GATA4: variants seen among roughly 807,000 people sequenced by gnomAD.
The protein encoded by GATA4 is transcription factor GATA-4.
In GATA4, 7 loss-of-function variants were observed where a neutral mutation model predicts 37.9. That is an observed-to-expected ratio of 0.18 (90% CI 0.11 to 0.35). The LOEUF (loss-of-function observed/expected upper bound fraction) is 0.35, where lower values mean the gene tolerates loss of function less well. Ranked by LOEUF, GATA4 falls within the 10% of genes least tolerant of loss-of-function variation. GATA4 has a pLI of 1.00. For missense variants in GATA4, 647 were observed against 653.0 expected (o/e 0.99, Z 0.10); for synonymous variants, 372 against 292.6 (o/e 1.27, Z -2.77).
At chr8:11,755,020 C>T (rs1802484201) in intron 4 of GATA4, 26 bp from the exon 5 acceptor site, 1 of 1,581,986 alleles carries the variant, frequency 6.3e-7, no homozygotes, top group Non-Finnish European at 8.7e-7. Flanking sequence ...ATGGAAAACC[C>T]TATATATTTA....
chr8:11,727,301 AAGC>A (rs1325239960), intron 2 of GATA4, among the ~76,000 whole-genome samples: 2 of 152,022 alleles, frequency 1.3e-5, no homozygotes, highest in African/African-American at 4.8e-5. Flanking sequence ...CCCCAGGACA[AAGC>A]AGAGGATGGG....
chr8:11,692,460 A>T (rs745613674), upstream of GATA4: 1 of 931,862 alleles, frequency 1.1e-6, no homozygotes. Context: ...ACCCTAATAG[A>T]ATATTGACCG....
chr8:11,695,331 G>A (rs953795919), intron 1 of GATA4, among the ~76,000 whole-genome samples: 5 of 152,072 alleles, frequency 3.3e-5, no homozygotes, highest in Admixed American at 2.0e-4. Flanking sequence ...GCTTGAACCC[G>A]GGAGGCAGAG....
At chr8:11,681,911 C>CT (rs1280919416) in intron 1 of GATA4, among the ~76,000 whole-genome samples, 1 of 152,190 alleles carries the variant, frequency 6.6e-6, no homozygotes, top group South Asian at 2.1e-4. Context: ...GCCTGGGTCT[C>CT]TTCCCACCTC....
chr8:11,734,765 C>T (rs1374243499), intron 2 of GATA4, among the ~76,000 whole-genome samples: 3 of 152,188 alleles, frequency 2.0e-5, no homozygotes, highest in African/African-American at 4.8e-5. Context: ...GCTGGGATTA[C>T]AAGAGTGAGC....
At chr8:11,732,356 T>C (rs1200838110) in intron 2 of GATA4, among the ~76,000 whole-genome samples, 1 of 152,302 alleles carries the variant, frequency 6.6e-6, no homozygotes, top group Admixed American at 6.5e-5. Context: ...GCAGGTGCTT[T>C]AGATGGGAGG....
At chr8:11,736,123 C>T (rs1459795096) in intron 2 of GATA4, among the ~76,000 whole-genome samples, 1 of 151,954 alleles carries the variant, frequency 6.6e-6, no homozygotes, top group East Asian at 1.9e-4. Flanking sequence ...GTTGCCCAGG[C>T]TGGTATTGAA....
intron 1 of GATA4, among the ~76,000 whole-genome samples, chr8:11,694,071 G>T (rs781222181): frequency 6.6e-6 from 1 of 152,130 alleles, no homozygotes; most frequent in Non-Finnish European, 1.5e-5. Flanking sequence ...AGGTGCCGTG[G>T]GTCCCCCTTC....
At chr8:11,735,213 T>C (rs73205114) in intron 2 of GATA4, among the ~76,000 whole-genome samples, 13,495 of 152,322 alleles carry the variant, frequency 0.089, 713 homozygotes, top group African/African-American at 0.13. Flanking sequence ...TCTCAGTGAC[T>C]GAAATATTTC....
chr8:11,691,481 T>C (rs936383743), upstream of GATA4, among the ~76,000 whole-genome samples: 1 of 152,218 alleles, frequency 6.6e-6, no homozygotes, highest in African/African-American at 2.4e-5. Context: ...TTTCTATTCC[T>C]TATTAAAGAT....
chr8:11,690,476 T>C (rs1376380271), upstream of GATA4, among the ~76,000 whole-genome samples: 1 of 151,958 alleles, frequency 6.6e-6, no homozygotes, highest in Non-Finnish European at 1.5e-5. Context: ...TATAGACAGG[T>C]TAAACTAAAA....
intron 2 of GATA4, among the ~76,000 whole-genome samples, chr8:11,741,620 T>G (rs1229272582): frequency 1.3e-5 from 2 of 152,226 alleles, no homozygotes; most frequent in Admixed American, 1.3e-4. Context: ...AGCCAGCAAC[T>G]GATCCTGCAT....
At chr8:11,733,913 A>G (rs1051343751) in intron 2 of GATA4, among the ~76,000 whole-genome samples, 13 of 152,352 alleles carry the variant, frequency 8.5e-5, no homozygotes, top group African/African-American at 2.2e-4. Context: ...ATTAAGAGCC[A>G]TTACGTGGTT....
At chr8:11,700,808 C>T (rs553150143), upstream of GATA4, 1 of 152,350 alleles carries the variant, frequency 6.6e-6, no homozygotes, top group African/African-American at 2.4e-5. Context: ...TTCTTGTTTT[C>T]CATTATAAGA....
intron 2 of GATA4, among the ~76,000 whole-genome samples, chr8:11,747,804 A>G (rs1209959622): frequency 6.6e-6 from 1 of 152,228 alleles, no homozygotes; most frequent in Non-Finnish European, 1.5e-5. Context: ...ATGATGGAAC[A>G]ATGGTATATG....
intron 1 of GATA4, chr8:11,681,189 C>T (rs1798959590): frequency 9.1e-6 from 9 of 985,420 alleles, no homozygotes; most frequent in Non-Finnish European, 1.1e-5. Context: ...TAGTCACAGG[C>T]CCTGGCCCGC....
intron 2 of GATA4, among the ~76,000 whole-genome samples, chr8:11,737,895 CAT>C (rs1048138654): frequency 1.3e-5 from 2 of 152,072 alleles, no homozygotes; most frequent in Non-Finnish European, 2.9e-5. Context: ...GCAAAATAAT[CAT>C]AGGACAGCTA....
At chr8:11,686,477 G>C (rs1799137988) in intron 1 of GATA4, among the ~76,000 whole-genome samples, 1 of 152,124 alleles carries the variant, frequency 6.6e-6, no homozygotes, top group Non-Finnish European at 1.5e-5. Flanking sequence ...AGTGTGAATA[G>C]AATTTTTGCA....
At chr8:11,722,628 G>C (rs1170496257) in intron 2 of GATA4, among the ~76,000 whole-genome samples, 2 of 152,154 alleles carry the variant, frequency 1.3e-5, no homozygotes, top group African/African-American at 4.8e-5. Context: ...GCTTTTCCCA[G>C]AGGACTTCTG....
Sources: allele counts gnomAD v4.1 joint callset (sites outside exome capture counted in the v4.1 genomes callset), GRCh38; gene constraint gnomAD v4.1.1; transcripts MANE v1.5; gene names NCBI Gene and HGNC (gene_info 2026-07-23, HGNC 2026-07-21).